ZNF23: variants seen among roughly 807,000 people sequenced by gnomAD.
The protein encoded by ZNF23 is zinc finger protein 23, also known as kruppel-like zinc finger factor X31.
ZNF23 carries 48 observed loss-of-function variants against 56.2 expected under a neutral mutation model. The ratio of observed to expected loss-of-function variants is 0.85; its 90% CI spans 0.68 to 1.09. The LOEUF (loss-of-function observed/expected upper bound fraction) is 1.09, where lower values mean the gene tolerates loss of function less well. Among genes scored for constraint, ZNF23 ranks in the 50% least tolerant of loss-of-function variants. The pLI, the probability that ZNF23 is intolerant of heterozygous loss-of-function variation, is 0.00. For missense variants in ZNF23, 805 were observed against 811.4 expected (o/e 0.99, Z 0.10); for synonymous variants, 266 against 283.3 (o/e 0.94, Z 0.61).
intron 1 of ZNF23, 50 bp downstream of exon 1, chr16:71,462,160 G>C (rs1014979120): frequency 4.6e-5 from 7 of 152,364 alleles, no homozygotes; most frequent in African/African-American, 1.7e-4. Flanking sequence ...ACCGGACCCA[G>C]AGCCTGGGGG....
intron 1 of ZNF23, among the ~76,000 whole-genome samples, chr16:71,458,990 A>G (rs1364700957): frequency 6.6e-6 from 1 of 152,246 alleles, no homozygotes; most frequent in Non-Finnish European, 1.5e-5. Context: ...TTTGTTTTAA[A>G]TTCACTAATT....
chr16:71,448,128 G>C lies in ZNF23; in HGVS notation c.2026C>G (p.Gln676Glu). 2 of 1,612,690 alleles carry C rather than the reference G, an allele frequency of 1.2e-6. No homozygotes were observed. The highest frequency in any genetic ancestry group is 1.7e-6 in the Non-Finnish European group (2 of 1,179,460). ...KAFRFSFQLS[Q>E]HQSVHSEGKS is the part of the protein sequence containing the mutation. The stretch of plus-strand genomic sequence containing the variant: ...CCTTCACTATGGACACTCTGATGCT[G>C]ACTGAGCTGGAAGCTAAACCTGAAT... Residue 676 changes from glutamine (Q) to glutamate (E), a missense_variant, in exon 5 of 5, where the codon CAG becomes GAG. Transcript: ENST00000647773.
Position 71,448,492 on chromosome 16 carries a change from T to C in ZNF23, c.1662A>G (p.Lys554=), listed in dbSNP as rs2042928852. ...EKPYQCKECG[K]AFSINAKLTR... ...TTAGTTTGGCATTGATACTGAAGGCTTTCCCACATTCCTTACATTGATAGG... is the reference window on the plus strand; with the variant it reads ...TTAGTTTGGCATTGATACTGAAGGCCTTCCCACATTCCTTACATTGATAGG... Residue 554 remains lysine (K), a synonymous_variant, in exon 5 of 5, where the codon AAA becomes AAG. Transcript: ENST00000647773. The C allele has an allele frequency of 3.1e-6, 5 of 1,614,236 alleles. No individual in the cohort carries two copies. In the East Asian group the frequency reaches 1.1e-4, roughly 36 times the overall value.
intron 3 of ZNF23, chr16:71,453,736 G>A: frequency 1.9e-6 from 1 of 535,350 alleles, no homozygotes; most frequent in Non-Finnish European, 3.3e-6. Context: ...CTCAAGACAG[G>A]TAAGATGAGG....
chr16:71,453,289 GC>G lies in ZNF23; in HGVS notation c.221del (p.Gly74AlafsTer17), dbSNP rs1387164482. 3.1e-6 allele frequency: 5 copies of G among 1,608,978 alleles called. No homozygotes were observed. Among genetic ancestry groups the G allele is most frequent in the Admixed American group, 3.4e-5 (2 of 59,588 alleles). On this transcript the variant is annotated frameshift_variant, in exon 4 of 5. Coordinates refer to ENST00000647773, the MANE Select transcript of ZNF23 (RefSeq NM_001381984.1). LOFTEE classifies it high-confidence loss of function. Reference sequence around the variant, plus strand: ...CTGTTCCTGCAGCCAGTGGAGATGAGCCCCCCAGCTCACTTCCTCCCTCCAG... The same window carrying G: ...CTGTTCCTGCAGCCAGTGGAGATGAGCCCCCAGCTCACTTCCTCCCTCCAG... The part of the protein sequence containing the change: ...SQLEGGSELG[G>X]SSPLAAGTGL...
At position 71,449,287 on chromosome 16, in the gene ZNF23, G is replaced by T; in HGVS notation, c.867C>A (p.His289Gln). The T allele has an allele frequency of 6.2e-7, 1 of 1,614,200 alleles. No homozygotes were observed. Among genetic ancestry groups the T allele is most frequent in the Non-Finnish European group, 8.5e-7 (1 of 1,180,032 alleles). Residue 289 changes from histidine to glutamine, a missense_variant, in exon 5 of 5, where the codon CAC (histidine) becomes CAA (glutamine). Coordinates refer to ENST00000647773, the MANE Select transcript of ZNF23 (RefSeq NM_001381984.1). Reference protein sequence around the residue: ...SSHYITHQTIHSGEKPYQCKM... With the variant: ...SSHYITHQTIQSGEKPYQCKM... ...TACACTGATAGGGCTTCTCCCCACT[G>T]TGGATTGTCTGATGTGTGATATAAT...
rs765406432 is a variant in ZNF23 at position 71,448,062 on chromosome 16, A to T, written c.*31T>A. On this transcript the variant is annotated 3_prime_UTR_variant, in exon 5 of 5. Coordinates refer to ENST00000647773, the MANE Select transcript of ZNF23 (RefSeq NM_001381984.1). ...TGATACTTGATCCATTTTGGCATTA[A>T]CCTTAAGAGTTTTCTATATCTTTCT... 1.3e-6 allele frequency: 2 copies of T among 1,526,488 alleles called. No individual in the cohort carries two copies. The highest frequency in any genetic ancestry group is 4.2e-5 in the Admixed American group (2 of 48,148). 94.6% of individuals were successfully genotyped at this position (1,526,488 alleles called of 1,614,324 possible).
At chr16:71,459,883 A>C (rs937418694) in intron 1 of ZNF23, among the ~76,000 whole-genome samples, 1 of 152,228 alleles carries the variant, frequency 6.6e-6, no homozygotes, top group African/African-American at 2.4e-5. Context: ...TGGTGTTTAA[A>C]GAGAAAACTT....
chr16:71,458,451 C>A (rs1363546261), intron 1 of ZNF23, among the ~76,000 whole-genome samples: 1 of 152,128 alleles, frequency 6.6e-6, no homozygotes, highest in African/African-American at 2.4e-5. Context: ...AATATATGTG[C>A]TTTCTAGACC....
rs749215744 is a variant in ZNF23, at chr16:71,448,577, C to A, written c.1577G>T (p.Arg526Ile). The A allele has an allele frequency of 6.2e-7, 1 of 1,613,180 alleles. No homozygotes were observed. Among genetic ancestry groups the A allele is most frequent in the Non-Finnish European group, 8.5e-7 (1 of 1,179,782 alleles). ...EKPFECNECG[R>I]CFTSKRNLLD... ...TAGGTTTCTTTTAGAAGTAAAGCATCTCCCACACTCATTACATTCAAAAGG... is the reference window on the plus strand; with the variant it reads ...TAGGTTTCTTTTAGAAGTAAAGCATATCCCACACTCATTACATTCAAAAGG... Residue 526 changes from arginine (R) to isoleucine (I), a missense_variant, in exon 5 of 5, where the codon AGA becomes ATA. Coordinates refer to ENST00000647773, the MANE Select transcript of ZNF23 (RefSeq NM_001381984.1).
chr16:71,460,091 G>C (rs531478908), intron 1 of ZNF23, among the ~76,000 whole-genome samples: 1 of 152,298 alleles, frequency 6.6e-6, no homozygotes, highest in East Asian at 1.9e-4. Context: ...AAACATCCTA[G>C]AAAGTATATG....
chr16:71,449,216 T>C lies in ZNF23; in HGVS notation c.938A>G (p.His313Arg), dbSNP rs748915281. 158 of 1,614,212 alleles carry C rather than the reference T, an allele frequency of 9.8e-5. No individual in the cohort carries two copies. The South Asian group carries it at 1.6e-3, about 17-fold the overall frequency. The change falls in exon 5 of 5, where the codon CAT (histidine) becomes CGT (arginine). Residue 313 changes from histidine (H) to arginine (R), a missense_variant. Physicochemically the swap from His to Arg is conservative, Grantham distance 29 (BLOSUM62 0). Coordinates refer to ENST00000647773, the MANE Select transcript of ZNF23 (RefSeq NM_001381984.1). ...CTTCTCTCCCGTATGGATTCTCTGA[T>C]GCCTACTTAGGCTTCCATTAACACT... Reference protein sequence around the residue: ...AFSVNGSLSRHQRIHTGEKPY... With the variant: ...AFSVNGSLSRRQRIHTGEKPY...
chr16:71,457,520 G>A (rs36063092), intron 1 of ZNF23, among the ~76,000 whole-genome samples: 33,287 of 151,604 alleles, frequency 0.22, 4,603 homozygotes, highest in South Asian at 0.51. Flanking sequence ...CCAAGATTGC[G>A]CCACTGCACT....
intron 2 of ZNF23, 124 bp downstream of exon 2, chr16:71,456,640 T>G (rs968127213): frequency 1.0e-6 from 1 of 964,108 alleles, no homozygotes; most frequent in Admixed American, 6.1e-5. Context: ...ACAACACCTC[T>G]TTCCCACAAG....
In ZNF23 at chr16:71,448,749, C is replaced by A. The variant is rs201062958; in HGVS notation, c.1405G>T (p.Gly469Trp). ...TGGGAGTTACATCTGAAGGCTTTCCCGCATTCATTACACTCATAGGGTTTC... is the reference window on the plus strand; with the variant it reads ...TGGGAGTTACATCTGAAGGCTTTCCAGCATTCATTACACTCATAGGGTTTC... ...GEKPYECNEC[G>W]KAFRCNSQFR... Residue 469 changes from glycine to tryptophan, a missense_variant, in exon 5 of 5, where the codon GGG becomes TGG. Gly to Trp is a radical substitution (Grantham distance 184, BLOSUM62 -2). Coordinates refer to ENST00000647773, the MANE Select transcript of ZNF23 (RefSeq NM_001381984.1). 6.2e-7 allele frequency: 1 copy of A among 1,614,156 alleles called. No individual in the cohort carries two copies. The highest frequency in any genetic ancestry group is 1.1e-5 in the South Asian group (1 of 91,080).
intron 2 of ZNF23, among the ~76,000 whole-genome samples, chr16:71,455,653 G>A (rs1166790081): frequency 6.6e-6 from 1 of 151,996 alleles, no homozygotes; most frequent in Admixed American, 6.6e-5. Context: ...CACCACACCC[G>A]GCCATGATTT....
intron 2 of ZNF23, 147 bp from the exon 3 acceptor site, chr16:71,454,315 A>C (rs985240656): frequency 1.8e-6 from 2 of 1,117,636 alleles, no homozygotes; most frequent in Non-Finnish European, 2.4e-6. Flanking sequence ...TCAGAAAAAA[A>C]ATATCGAGAA....
Position 71,447,919 on chromosome 16 carries a change from GTTTCTC to G in ZNF23, c.*168_*173del, listed in dbSNP as rs2042903767. ...GTACAAAACAAAGCTATTTTTGGAT[GTTTCTC>G]TTTAACTGGTCATCCTTTCCTGATT... On this transcript the variant is annotated 3_prime_UTR_variant, in exon 5 of 5. Coordinates refer to ENST00000647773, the MANE Select transcript of ZNF23 (RefSeq NM_001381984.1). 6.4e-6 allele frequency: 3 copies of G among 469,876 alleles called. No homozygotes were observed. The highest frequency in any genetic ancestry group is 7.3e-6 in the Non-Finnish European group (2 of 274,672). The allele number at this position is 469,876 out of a possible 1,614,324, so 29.1% of individuals were successfully genotyped here. A position where few individuals can be genotyped will look rare whatever the true frequency, so the allele number is the denominator to read the frequency against.
In ZNF23 at chr16:71,454,031, A is replaced by G; in HGVS notation, c.160+11T>C. On this transcript the variant is annotated intron_variant, in intron 3 of 4. Coordinates refer to ENST00000647773, the MANE Select transcript of ZNF23 (RefSeq NM_001381984.1). ...GGCAGATTCCAGGTTCCCAGGGTAG[A>G]GAGGTCTTACCCAGGGAGGCCACAT... 6.2e-7 allele frequency: 1 copy of G among 1,613,994 alleles called. No individual in the cohort carries two copies. Among genetic ancestry groups the G allele is most frequent in the South Asian group, 1.1e-5 (1 of 91,068 alleles).
Sources: gnomAD v4.1 joint callset for allele counts (sites outside exome capture counted in the v4.1 genomes callset) on GRCh38, gnomAD v4.1.1 for gene constraint, MANE v1.5 for transcripts, NCBI Gene and HGNC (gene_info 2026-07-23, HGNC 2026-07-21) for gene names.